ZNF385D: variants seen among roughly 807,000 people sequenced by gnomAD.
ZNF385D encodes zinc finger protein 659.
Under a neutral mutation model 35.8 loss-of-function variants are expected in ZNF385D, and 15 were observed. That is an observed-to-expected ratio of 0.42 (90% CI 0.28 to 0.64). ZNF385D has a LOEUF of 0.64. ZNF385D is among the 30% of genes least tolerant of loss of function. The probability of loss-of-function intolerance (pLI) is 0.23; values close to 1 mark genes in which losing one functional copy is unlikely to be tolerated. For missense variants in ZNF385D, 474 were observed against 494.6 expected, an observed-to-expected ratio of 0.96 and a Z score of 0.39; for synonymous variants, 212 against 186.8, an observed-to-expected ratio of 1.13 and a Z score of -1.10.
chr3:21,993,023 C>A (rs1475211398), intron 3 of ZNF385D, among the ~76,000 whole-genome samples: 1 of 152,174 alleles, frequency 6.6e-6, no homozygotes, highest in Non-Finnish European at 1.5e-5. Context: ...TGAGCTTGCT[C>A]ATTTAACTGC....
chr3:22,110,083 A>G (rs1334652790), intron 3 of ZNF385D, among the ~76,000 whole-genome samples: 3 of 152,092 alleles, frequency 2.0e-5, no homozygotes, highest in Non-Finnish European at 4.4e-5. Flanking sequence ...CAAAACCACA[A>G]TGAGATATCA....
At chr3:21,848,842 C>T (rs1696187989) in intron 3 of ZNF385D, among the ~76,000 whole-genome samples, 1 of 152,020 alleles carries the variant, frequency 6.6e-6, no homozygotes, top group Non-Finnish European at 1.5e-5. Flanking sequence ...TCTCGTCTTA[C>T]ATAGACTCTA....
intron 3 of ZNF385D, among the ~76,000 whole-genome samples, chr3:22,132,233 T>G (rs1703843319): frequency 1.3e-5 from 2 of 152,038 alleles, no homozygotes; most frequent in Admixed American, 1.3e-4. Context: ...ATAGAGCCCC[T>G]ATAAAAAAAG....
At position 22,259,618 on chromosome 3, in the gene ZNF385D, T is replaced by C. The variant is rs566931544; in HGVS notation, c.107-90583A>G. ...ATCAAAAAAATGTTTAATTCAAGTT[T>C]TGAGATTTAACAAAATAAATAATTT... On this transcript the variant is annotated intron_variant, in intron 2 of 5. Transcript: ENST00000494108. Among the ~76,000 whole-genome samples the C allele has an allele frequency of 1.1e-4, 16 of 152,130 alleles. No individual in the cohort carries two copies. The South Asian group carries it at 3.3e-3, about 32-fold the overall frequency.
intron 2 of ZNF385D, among the ~76,000 whole-genome samples, chr3:22,207,204 G>C (rs1346319985): frequency 6.6e-6 from 1 of 151,824 alleles, no homozygotes; most frequent in Non-Finnish European, 1.5e-5. Flanking sequence ...ATTGTATGCA[G>C]TAGGTTGGTA....
chr3:21,555,963 GTGA>G (rs1196873945), intron 3 of ZNF385D, among the ~76,000 whole-genome samples: 1 of 151,876 alleles, frequency 6.6e-6, no homozygotes, highest in Non-Finnish European at 1.5e-5. Flanking sequence ...CTAGTGACCA[GTGA>G]TGATGAGCTT....
At chr3:22,043,060 G>A (rs1326199804) in intron 3 of ZNF385D, among the ~76,000 whole-genome samples, 1 of 151,804 alleles carries the variant, frequency 6.6e-6, no homozygotes, top group African/African-American at 2.4e-5. Context: ...GTGGCTGACT[G>A]TGCCACACGA....
intron 3 of ZNF385D, among the ~76,000 whole-genome samples, chr3:22,018,651 T>C (rs766901345): frequency 5.9e-5 from 9 of 152,010 alleles, no homozygotes; most frequent in Non-Finnish European, 1.3e-4. Context: ...TACACCCAGG[T>C]TCAAGTATAA....
intron 4 of ZNF385D, among the ~76,000 whole-genome samples, chr3:21,473,396 C>T (rs1165090837): frequency 6.6e-6 from 1 of 152,070 alleles, no homozygotes; most frequent in Non-Finnish European, 1.5e-5. Context: ...ATTGAAGGAA[C>T]AAATTTCTGC....
intron 3 of ZNF385D, among the ~76,000 whole-genome samples, chr3:21,837,405 T>C (rs951320694): frequency 1.3e-5 from 2 of 152,060 alleles, no homozygotes; most frequent in African/African-American, 4.8e-5. Flanking sequence ...GGGTCTGGAA[T>C]CAGATGGTTC....
intron 3 of ZNF385D, among the ~76,000 whole-genome samples, chr3:22,135,080 A>G (rs928670480): frequency 5.5e-4 from 83 of 152,186 alleles, no homozygotes; most frequent in African/African-American, 2.0e-3. Context: ...GAAAATCTCC[A>G]AACACCTGAT....
intron 3 of ZNF385D, among the ~76,000 whole-genome samples, chr3:21,913,390 C>T (rs965850854): frequency 1.3e-5 from 2 of 152,040 alleles, no homozygotes; most frequent in African/African-American, 4.8e-5. Flanking sequence ...ATTCCATTTC[C>T]CCAACCTGAT....
intron 3 of ZNF385D, among the ~76,000 whole-genome samples, chr3:22,163,717 G>C (rs1476163128): frequency 6.6e-6 from 1 of 151,984 alleles, no homozygotes; most frequent in Non-Finnish European, 1.5e-5. Context: ...GATAAATTTA[G>C]GTAAAAATCT....
At chr3:21,861,839 T>A (rs1272561831) in intron 3 of ZNF385D, among the ~76,000 whole-genome samples, 1 of 152,086 alleles carries the variant, frequency 6.6e-6, no homozygotes, top group African/African-American at 2.4e-5. Flanking sequence ...TGCCAATGAG[T>A]ACCTAGCATT....
intron 3 of ZNF385D, among the ~76,000 whole-genome samples, chr3:21,968,694 G>C (rs930630975): frequency 6.6e-6 from 1 of 152,152 alleles, no homozygotes; most frequent in Non-Finnish European, 1.5e-5. Context: ...AGAGCTCTTG[G>C]GCCCTAAATA....
At chr3:22,043,115 A>G (rs1172634963) in intron 3 of ZNF385D, among the ~76,000 whole-genome samples, 3 of 152,186 alleles carry the variant, frequency 2.0e-5, no homozygotes, top group Non-Finnish European at 4.4e-5. Context: ...AGCTGCAGTC[A>G]TTTGGTTTAC....
intron 3 of ZNF385D, among the ~76,000 whole-genome samples, chr3:21,811,027 T>G (rs910404382): frequency 6.7e-6 from 1 of 149,622 alleles, no homozygotes; most frequent in Non-Finnish European, 1.5e-5. Context: ...AAGTAAGTAA[T>G]TAATGTAATT....
chr3:22,304,338 T>C (rs1013804936), intron 2 of ZNF385D, among the ~76,000 whole-genome samples: 3 of 152,194 alleles, frequency 2.0e-5, no homozygotes, highest in Non-Finnish European at 4.4e-5. Context: ...TTATATTCTA[T>C]TGAATTCAAA....
At chr3:21,904,857 T>G (rs1267379262) in intron 3 of ZNF385D, among the ~76,000 whole-genome samples, 1 of 152,148 alleles carries the variant, frequency 6.6e-6, no homozygotes, top group Non-Finnish European at 1.5e-5. Flanking sequence ...ATTATGTTGT[T>G]GAGACACACA....
Sources: gnomAD v4.1 joint callset for allele counts (sites outside exome capture counted in the v4.1 genomes callset) on GRCh38, gnomAD v4.1.1 for gene constraint, MANE v1.5 for transcripts, NCBI Gene and HGNC (gene_info 2026-07-23, HGNC 2026-07-21) for gene names.